PCDH20: variants seen among roughly 807,000 people sequenced by gnomAD.
The protein encoded by PCDH20 is protocadherin 20, also known as protocadherin-20.
A neutral mutation model predicts 39.7 loss-of-function variants in PCDH20; 18 were observed. The observed-to-expected ratio is 0.45, with a 90% CI of 0.31 to 0.67. The LOEUF (loss-of-function observed/expected upper bound fraction) is 0.67, where lower values mean the gene tolerates loss of function less well. PCDH20 is among the 30% of genes least tolerant of loss of function. The pLI, the probability that PCDH20 is intolerant of heterozygous loss-of-function variation, is 0.05. For missense variants in PCDH20, 1,161 were observed against 1,167.4 expected (o/e 0.99, Z 0.08); for synonymous variants, 495 against 455.4 (o/e 1.09, Z -1.11).
exon 2 of PCDH20, chr13:61,413,900 C>T: frequency 6.2e-7 from 1 of 1,613,486 alleles, no homozygotes; most frequent in Non-Finnish European, 8.5e-7. Flanking sequence ...TACAGAAGCT[C>T]GGTGGCCCGG....
exon 2 of PCDH20, chr13:61,413,921 C>T (rs1219858604): frequency 1.9e-6 from 3 of 1,612,946 alleles, no homozygotes; most frequent in Non-Finnish European, 2.5e-6. Flanking sequence ...CTGTAACTCC[C>T]GAGGCAGCTG....
exon 2 of PCDH20, chr13:61,410,630 T>C (rs539490423): frequency 6.5e-6 from 1 of 152,776 alleles, no homozygotes; most frequent in Non-Finnish European, 1.5e-5. Context: ...AATGATTTTA[T>C]CCTTGCTAAA....
exon 2 of PCDH20, chr13:61,412,764 T>G (rs1463659983): frequency 3.1e-6 from 5 of 1,614,098 alleles, no homozygotes; most frequent in Non-Finnish European, 4.2e-6. Context: ...TGTTAACGGG[T>G]TCCAGTTCTT....
exon 2 of PCDH20, chr13:61,412,910 T>A: frequency 6.2e-7 from 1 of 1,614,098 alleles, no homozygotes; most frequent in Non-Finnish European, 8.5e-7. Flanking sequence ...GCAAGGATGG[T>A]GAGCTTGTGG....
exon 2 of PCDH20, chr13:61,411,505 A>T (rs375289034): frequency 6.2e-7 from 1 of 1,613,890 alleles, no homozygotes; most frequent in Non-Finnish European, 8.5e-7. Context: ...TTTCTCCTCT[A>T]TATTAATCTC....
At chr13:61,411,944 C>T in exon 2 of PCDH20, 1 of 1,614,098 alleles carries the variant, frequency 6.2e-7, no homozygotes. Context: ...AGGGCAGGCT[C>T]ACCCCCATCA....
chr13:61,413,078 CT>C lies in PCDH20; in HGVS notation c.1020del (p.Ala341LeufsTer69). 1.9e-6 allele frequency: 3 copies of C among 1,614,162 alleles called. No homozygotes were observed. The highest frequency in any genetic ancestry group is 2.5e-6 in the Non-Finnish European group (3 of 1,180,020). ...AAGTCTTTATCCACAGCCTGGACAGCTGCAATTGGGGTGCCCACTGTAGCAT... is the reference window on the plus strand; with the variant it reads ...AAGTCTTTATCCACAGCCTGGACAGCGCAATTGGGGTGCCCACTGTAGCAT... On this transcript the variant is annotated frameshift_variant, in exon 2 of 2. Transcript: ENST00000409204. LOFTEE classifies it high-confidence loss of function.
chr13:61,411,726 C>T, exon 2 of PCDH20: 2 of 1,614,172 alleles, frequency 1.2e-6, no homozygotes, highest in Non-Finnish European at 1.7e-6. Flanking sequence ...AGGACTCAGG[C>T]CTAGGACCTC....
exon 2 of PCDH20, chr13:61,412,416 A>G (rs1566222605): frequency 6.2e-7 from 1 of 1,614,120 alleles, no homozygotes; most frequent in East Asian, 2.2e-5. Context: ...CGCTGTCGGC[A>G]TCTGTAGCAT....
intron 1 of PCDH20, among the ~76,000 whole-genome samples, 179 bp from the exon 2 acceptor site, chr13:61,414,145 C>A (rs1340963863): frequency 6.6e-6 from 1 of 152,002 alleles, no homozygotes; most frequent in Non-Finnish European, 1.5e-5. Context: ...GGGGCAATAT[C>A]GTCTCCAAAA....
chr13:61,412,399 C>T (rs1020688988), exon 2 of PCDH20: 1 of 1,614,148 alleles, frequency 6.2e-7, no homozygotes, highest in Non-Finnish European at 8.5e-7. Flanking sequence ...AACTTGGCCT[C>T]TCTCCTCGCT....
chr13:61,411,259 T>G, exon 2 of PCDH20: 1 of 1,611,418 alleles, frequency 6.2e-7, no homozygotes, highest in Non-Finnish European at 8.5e-7. Flanking sequence ...ATTAGAAATA[T>G]CCATTGGCTT....
At chr13:61,415,284 A>C in exon 1 of PCDH20, 1 of 1,171,328 alleles carries the variant, frequency 8.5e-7, no homozygotes, top group Non-Finnish European at 1.1e-6. Context: ...AAGGACGGGA[A>C]CTCAAAGAGT....
Position 61,413,297 on chromosome 13 carries a change from G to A in PCDH20, c.802C>T (p.Arg268Cys), listed in dbSNP as rs150237018. The A allele has an allele frequency of 6.0e-5, 97 of 1,613,986 alleles. No individual in the cohort carries two copies. The South Asian group carries it at 9.1e-4, about 15-fold the overall frequency. The change falls in exon 2 of 2, where the codon CGC becomes TGC. Residue 268 changes from arginine (R) to cysteine (C), a missense_variant. Transcript: ENST00000409204. ...CCCATGACAATTAGGTAGGGGGTGCGCTCCCCATTCTCATTCTCCTCCACG... is the reference window on the plus strand; with the variant it reads ...CCCATGACAATTAGGTAGGGGGTGCACTCCCCATTCTCATTCTCCTCCACG...
At chr13:61,415,310 G>T (rs1871524510) in exon 1 of PCDH20, 6 of 881,466 alleles carry the variant, frequency 6.8e-6, no homozygotes, top group Middle Eastern at 3.9e-4. Flanking sequence ...AAAGGCAAGA[G>T]GGCAGAAGGG....
intron 1 of PCDH20, 54 bp from the exon 2 acceptor site, chr13:61,414,020 C>G (rs3812873): frequency 0.25 from 367,162 of 1,460,516 alleles, 47,771 homozygotes; most frequent in East Asian, 0.42. Flanking sequence ...AATAGGGGTC[C>G]GAGAGAGAAA....
chr13:61,413,177 T>A lies in PCDH20; in HGVS notation c.922A>T (p.Ile308Phe), dbSNP rs370995261. ...TTGTCATTAATGTCACTGATGCCAA[T>A]GGTGAGAGTGGCACTGCCCAAAAGT... The change falls in exon 2 of 2, where the codon ATT (isoleucine) becomes TTT (phenylalanine). Residue 308 changes from isoleucine to phenylalanine, a missense_variant. Physicochemically the swap from Ile to Phe is conservative, Grantham distance 21. Coordinates refer to ENST00000409204, the Ensembl canonical transcript of PCDH20. The A allele has an allele frequency of 5.0e-5, 81 of 1,613,940 alleles. No homozygotes were observed. The highest frequency in any genetic ancestry group is 6.9e-5 in the Non-Finnish European group (81 of 1,180,030).
chr13:61,413,632 C>T (rs112795881), exon 2 of PCDH20: 10 of 1,614,106 alleles, frequency 6.2e-6, no homozygotes, highest in African/African-American at 4.0e-5. Context: ...CCCTCCACCC[C>T]CTTCAACACA....
chr13:61,413,774 T>A, exon 2 of PCDH20: 1 of 1,613,580 alleles, frequency 6.2e-7, no homozygotes. Context: ...TCAGCACCGG[T>A]GCGCTCTGGC....
Sources: gnomAD v4.1 joint callset for allele counts (sites outside exome capture counted in the v4.1 genomes callset) on GRCh38, gnomAD v4.1.1 for gene constraint, MANE v1.5 for transcripts, NCBI Gene and HGNC (gene_info 2026-07-23, HGNC 2026-07-21) for gene names.